The following NODAL variants were observed in gnomAD, a reference collection of about 807,000 sequenced individuals.
NODAL encodes nodal homolog.
NODAL carries 12 observed loss-of-function variants against 34.0 expected under a neutral mutation model. The ratio of observed to expected loss-of-function variants is 0.35; its 90% CI spans 0.23 to 0.57. The LOEUF (loss-of-function observed/expected upper bound fraction) is 0.57. Ranked by LOEUF, NODAL falls within the 20% of genes least tolerant of loss-of-function variation. The probability of loss-of-function intolerance (pLI) is 0.83; values close to 1 mark genes in which losing one functional copy is unlikely to be tolerated. For synonymous variants in NODAL, 162 were observed against 186.4 expected, an observed-to-expected ratio of 0.87 and a Z score of 1.07; for missense variants, 390 against 444.2, an observed-to-expected ratio of 0.88 and a Z score of 1.10.
At chr10:70,439,918 A>T (rs1487997469) in intron 1 of NODAL, among the ~76,000 whole-genome samples, 2 of 152,180 alleles carry the variant, frequency 1.3e-5, no homozygotes, top group Admixed American at 1.3e-4. Context: ...TAAAAATATT[A>T]AAAAATAGCT....
chr10:70,446,556 C>T (rs879480529), upstream of NODAL, among the ~76,000 whole-genome samples: 3 of 152,094 alleles, frequency 2.0e-5, no homozygotes, highest in Non-Finnish European at 2.9e-5. Flanking sequence ...ATTCATTCAT[C>T]GAACAAACCT....
At chr10:70,441,408 C>T in intron 1 of NODAL, 67 bp downstream of exon 1, 1 of 1,514,820 alleles carries the variant, frequency 6.6e-7, no homozygotes. Flanking sequence ...TTCCCGAGTC[C>T]GCTGGCTGGA....
At chr10:70,444,719 C>T (rs1017056227), upstream of NODAL, among the ~76,000 whole-genome samples, 2 of 152,160 alleles carry the variant, frequency 1.3e-5, no homozygotes, top group African/African-American at 4.8e-5. Context: ...GTTTCCTCAT[C>T]TGCAAAACTT....
upstream of NODAL, among the ~76,000 whole-genome samples, chr10:70,446,490 A>T (rs537331969): frequency 9.8e-5 from 15 of 152,288 alleles, no homozygotes; most frequent in East Asian, 2.9e-3. Flanking sequence ...AATGCTATAA[A>T]TAGTAAATGT....
chr10:70,442,201 G>A (rs1219755258), upstream of NODAL, among the ~76,000 whole-genome samples: 1 of 152,220 alleles, frequency 6.6e-6, no homozygotes, highest in African/African-American at 2.4e-5. Flanking sequence ...GAGCACCCCT[G>A]GCCCTACCAA....
At chr10:70,441,411 T>C in intron 1 of NODAL, 64 bp downstream of exon 1, 1 of 1,517,980 alleles carries the variant, frequency 6.6e-7, no homozygotes, top group South Asian at 1.2e-5. Flanking sequence ...CCGAGTCCGC[T>C]GGCTGGACGC....
At chr10:70,446,899 G>C (rs1252163600) in intron 1 of NODAL, among the ~76,000 whole-genome samples, 1 of 151,960 alleles carries the variant, frequency 6.6e-6, no homozygotes, top group Non-Finnish European at 1.5e-5. Flanking sequence ...TATTCCCAAA[G>C]CAGGGCCCCC....
chr10:70,441,823 G>C (rs1422098849), upstream of NODAL, among the ~76,000 whole-genome samples: 1 of 152,158 alleles, frequency 6.6e-6, no homozygotes, highest in African/African-American at 2.4e-5. Context: ...TGCTGGGGAT[G>C]GGCGAGACCT....
intron 1 of NODAL, 48 bp from the exon 2 acceptor site, chr10:70,436,031 C>G (rs760611114): frequency 3.6e-5 from 55 of 1,517,564 alleles, no homozygotes; most frequent in Non-Finnish European, 4.8e-5. Flanking sequence ...GAGGGCCTCC[C>G]CCAGCCTCAG....
chr10:70,437,691 A>C (rs2132217105), intron 1 of NODAL, among the ~76,000 whole-genome samples: 1 of 152,314 alleles, frequency 6.6e-6, no homozygotes, highest in Non-Finnish European at 1.5e-5. Flanking sequence ...CTGGCTGCAT[A>C]ACAGTTTATT....
intron 1 of NODAL, among the ~76,000 whole-genome samples, chr10:70,437,889 C>G (rs79530989): frequency 6.6e-6 from 1 of 152,266 alleles, no homozygotes; most frequent in East Asian, 1.9e-4. Context: ...AGGCAATAAC[C>G]GGCCCCTGAC....
At chr10:70,446,834 G>T (rs953795051) in intron 1 of NODAL, among the ~76,000 whole-genome samples, 1 of 152,124 alleles carries the variant, frequency 6.6e-6, no homozygotes, top group Admixed American at 6.5e-5. Flanking sequence ...TCTGTGCCTA[G>T]CATAGCTCCT....
chr10:70,436,716 C>A (rs1206774059), intron 1 of NODAL, among the ~76,000 whole-genome samples: 1 of 152,016 alleles, frequency 6.6e-6, no homozygotes, highest in Admixed American at 6.6e-5. Flanking sequence ...TTTTTGGCAA[C>A]CTTACAAATA....
At chr10:70,440,621 G>C (rs1486382627) in intron 1 of NODAL, among the ~76,000 whole-genome samples, 1 of 152,162 alleles carries the variant, frequency 6.6e-6, no homozygotes, top group Non-Finnish European at 1.5e-5. Flanking sequence ...AGGCGCGGAA[G>C]GGGCTCCCTC....
rs745659788 is a variant in NODAL, at chr10:70,435,367, C to T, written c.810G>A (p.Gln270=). The change falls in exon 2 of 3, where the codon CAG becomes CAA. Residue 270 remains glutamine, a synonymous_variant. Transcript: ENST00000287139. ...GWGSWIIYPK[Q]YNAYRCEGEC... is the part of the protein sequence containing the mutation. ...CGCCCTCACAGCGATAGGCGTTGTA[C>T]TGCTTGGGGTAGATGATCCAGGAGC... 2.5e-6 allele frequency: 4 copies of T among 1,614,078 alleles called. No homozygotes were observed. Among genetic ancestry groups the T allele is most frequent in the Non-Finnish European group, 3.4e-6 (4 of 1,180,042 alleles).
chr10:70,443,889 T>A (rs1314909517), upstream of NODAL, among the ~76,000 whole-genome samples: 3 of 150,608 alleles, frequency 2.0e-5, no homozygotes, highest in African/African-American at 7.3e-5. Context: ...TGAACTTGCC[T>A]GAAGATACGC....
At chr10:70,434,551 C>T (rs957747126) in intron 2 of NODAL, among the ~76,000 whole-genome samples, 5 of 152,212 alleles carry the variant, frequency 3.3e-5, no homozygotes, top group South Asian at 4.1e-4. Context: ...TTAGTAGAGA[C>T]GGGGTGTCAC....
rs1027919358 is a variant in NODAL, at chr10:70,432,871, A to G, written c.*65T>C. 1 of 1,583,564 alleles carries G rather than the reference A, an allele frequency of 6.3e-7. No individual in the cohort carries two copies. Among genetic ancestry groups the G allele is most frequent in the African/African-American group, 1.3e-5 (1 of 74,300 alleles). Reference sequence around the variant, plus strand: ...CTCCTTACTGGATTAGATGGTTATCATGTCTTCCAGGAGTTTCCCAGCCTT... The same window carrying G: ...CTCCTTACTGGATTAGATGGTTATCGTGTCTTCCAGGAGTTTCCCAGCCTT... On this transcript the variant is annotated 3_prime_UTR_variant, in exon 3 of 3. Coordinates refer to ENST00000287139, the MANE Select transcript of NODAL (RefSeq NM_018055.5).
At chr10:70,436,576 A>AAAAAAAAAGG (rs34655666) in intron 1 of NODAL, 1 of 158,156 alleles carries the variant, frequency 6.3e-6, no homozygotes. Context: ...AAAAAAAAAA[A>AAAAAAAAAGG]GAGTGACTTG....
Sources: allele counts gnomAD v4.1 joint callset (sites outside exome capture counted in the v4.1 genomes callset), GRCh38; gene constraint gnomAD v4.1.1; transcripts MANE v1.5; gene names NCBI Gene and HGNC (gene_info 2026-07-23, HGNC 2026-07-21).